Variants in SIMC1 observed in about 807,000 individuals in gnomAD.
The protein encoded by SIMC1 is SUMO-interacting motif-containing protein 1.
SIMC1 carries 55 observed loss-of-function variants against 82.3 expected under a neutral mutation model. The observed-to-expected ratio is 0.67, with a 90% confidence interval of 0.54 to 0.84. SIMC1 has a LOEUF of 0.84. SIMC1 is among the 40% of genes least tolerant of loss of function. The pLI is 0.00. For missense variants in SIMC1, 915 were observed against 1,107.2 expected, an observed-to-expected ratio of 0.83 and a Z score of 2.46; for synonymous variants, 353 against 426.3, an observed-to-expected ratio of 0.83 and a Z score of 2.12.
In SIMC1 at chr5:176,308,307, C is replaced by T. The variant is rs375137145; in HGVS notation, c.1735-5384C>T. ...ATTCGTTCTGTCATCATCTTAACGA[C>T]GTTCTGATAAGAGGAAGGACCAAGT... On this transcript the variant is annotated intron_variant, in intron 4 of 9. Transcript: ENST00000429602. 1.4e-5 allele frequency: 20 copies of T among 1,454,918 alleles called. No individual in the cohort carries two copies. In the African/African-American group the frequency reaches 2.2e-4, roughly 16 times the overall value. The allele number at this position is 1,454,918 out of a possible 1,614,324, so 90.1% of individuals were successfully genotyped here. A position where few individuals can be genotyped will look rare whatever the true frequency, so the allele number is the denominator to read the frequency against.
At chr5:176,252,898 G>A (rs1031787788) in intron 1 of SIMC1, among the ~76,000 whole-genome samples, 5 of 152,224 alleles carry the variant, frequency 3.3e-5, no homozygotes, top group Admixed American at 2.6e-4. Flanking sequence ...AGCACCTCGG[G>A]AGGCTGAGGC....
At chr5:176,250,335 A>T (rs1761608358) in intron 1 of SIMC1, among the ~76,000 whole-genome samples, 1 of 152,110 alleles carries the variant, frequency 6.6e-6, no homozygotes, top group Admixed American at 6.6e-5. Context: ...AGAGACTGTT[A>T]TGATTTCCGT....
At chr5:176,294,466 A>G (rs1763714061) in intron 2 of SIMC1, among the ~76,000 whole-genome samples, 1 of 151,964 alleles carries the variant, frequency 6.6e-6, no homozygotes, top group South Asian at 2.1e-4. Flanking sequence ...TTTAGTAGAG[A>G]CGGGGTTTCA....
chr5:176,288,929 A>T (rs1487141926), intron 1 of SIMC1, among the ~76,000 whole-genome samples: 1 of 152,154 alleles, frequency 6.6e-6, no homozygotes. Flanking sequence ...TTTGCCAAGG[A>T]ATGGAAGTGG....
chr5:176,323,771 G>A (rs1031157358), intron 6 of SIMC1, among the ~76,000 whole-genome samples: 2 of 152,066 alleles, frequency 1.3e-5, no homozygotes, highest in Non-Finnish European at 2.9e-5. Flanking sequence ...TGGATCATGA[G>A]GTCAGGAGAT....
intron 6 of SIMC1, among the ~76,000 whole-genome samples, 176 bp from the exon 7 acceptor site, chr5:176,324,453 T>A (rs2096199476): frequency 6.6e-6 from 1 of 152,142 alleles, no homozygotes; most frequent in Non-Finnish European, 1.5e-5. Flanking sequence ...GTAGGTGAAA[T>A]TGCTAAATAA....
chr5:176,274,619 T>C (rs1762599194), intron 1 of SIMC1, among the ~76,000 whole-genome samples: 2 of 152,046 alleles, frequency 1.3e-5, no homozygotes, highest in South Asian at 4.2e-4. Flanking sequence ...GGTTTTCTTC[T>C]AGGGTTTTTA....
intron 5 of SIMC1, among the ~76,000 whole-genome samples, chr5:176,321,305 G>T (rs342013): frequency 0.74 from 111,886 of 151,766 alleles, 41,364 homozygotes; most frequent in Middle Eastern, 0.85. Context: ...TATATTGATA[G>T]TCATATTCAT....
At chr5:176,280,444 T>C (rs1762939850) in intron 1 of SIMC1, among the ~76,000 whole-genome samples, 1 of 152,196 alleles carries the variant, frequency 6.6e-6, no homozygotes, top group African/African-American at 2.4e-5. Flanking sequence ...CATTTAAAGT[T>C]AATATTGTTA....
chr5:176,328,527 G>A (rs147859580), intron 7 of SIMC1, among the ~76,000 whole-genome samples: 1 of 151,840 alleles, frequency 6.6e-6, no homozygotes, highest in African/African-American at 2.4e-5. Context: ...TTTATGCCTG[G>A]GGTTCAACAT....
chr5:176,313,169 G>T, intron 4 of SIMC1: 1 of 678,706 alleles, frequency 1.5e-6, no homozygotes, highest in Non-Finnish European at 2.0e-6. Context: ...CAATCAGCTC[G>T]CATGACTGGA....
At chr5:176,257,770 A>G (rs1350040357) in intron 1 of SIMC1, among the ~76,000 whole-genome samples, 1 of 152,170 alleles carries the variant, frequency 6.6e-6, no homozygotes, top group African/African-American at 2.4e-5. Flanking sequence ...ATTTTAGAAT[A>G]ATTTTGTCGA....
chr5:176,304,000 T>G (rs1481351676), intron 4 of SIMC1, among the ~76,000 whole-genome samples: 1 of 152,196 alleles, frequency 6.6e-6, no homozygotes, highest in East Asian at 1.9e-4. Context: ...TGGCAATTGA[T>G]TTCTTGAATA....
In SIMC1 at chr5:176,324,778, G is replaced by A. The variant is rs923224799; in HGVS notation, c.2171+21G>A. 3.3e-6 allele frequency: 5 copies of A among 1,537,490 alleles called. No individual in the cohort carries two copies. The African/African-American group carries it at 5.6e-5, about 17-fold the overall frequency. ...CAGAGGTGAGTCTTGATTTTGTTGG[G>A]GAGAGCAGTTATTTAAAAAAAAAAC... On this transcript the variant is annotated intron_variant, in intron 7 of 9. Transcript: ENST00000429602.
At chr5:176,245,997 G>C (rs1391578445) in intron 1 of SIMC1, among the ~76,000 whole-genome samples, 2 of 151,186 alleles carry the variant, frequency 1.3e-5, no homozygotes, top group Non-Finnish European at 2.9e-5. Context: ...GCCTTCCCTA[G>C]CTCTATTTGT....
At chr5:176,247,286 T>G (rs1003355763) in intron 1 of SIMC1, among the ~76,000 whole-genome samples, 14 of 152,176 alleles carry the variant, frequency 9.2e-5, no homozygotes, top group African/African-American at 2.9e-4. Context: ...CCTGACTTTT[T>G]AATGATTGCC....
chr5:176,324,837 TA>T, intron 7 of SIMC1, 80 bp downstream of exon 7: 3 of 1,447,132 alleles, frequency 2.1e-6, no homozygotes, highest in Non-Finnish European at 2.8e-6. Context: ...TTTATTAAAT[TA>T]ACTTTTCTAT....
chr5:176,281,465 T>C (rs1763004016), intron 1 of SIMC1, among the ~76,000 whole-genome samples: 1 of 152,222 alleles, frequency 6.6e-6, no homozygotes, highest in Non-Finnish European at 1.5e-5. Context: ...GTTCCATTGC[T>C]GGTGAGGAAC....
intron 1 of SIMC1, among the ~76,000 whole-genome samples, chr5:176,279,724 G>A (rs1454315137): frequency 1.3e-5 from 2 of 150,720 alleles, no homozygotes; most frequent in Non-Finnish European, 1.5e-5. Flanking sequence ...CCTTCATTTC[G>A]TTATGTACCC....
Sources: gnomAD v4.1 joint callset for allele counts (sites outside exome capture counted in the v4.1 genomes callset) on GRCh38, gnomAD v4.1.1 for gene constraint, MANE v1.5 for transcripts, NCBI Gene and HGNC (gene_info 2026-07-23, HGNC 2026-07-21) for gene names.